The following LINGO2 variants were observed in gnomAD, a reference collection of about 807,000 sequenced individuals.
LINGO2 encodes leucine rich repeat and Ig domain containing 2.
A neutral mutation model predicts 30.6 loss-of-function variants in LINGO2; 14 were observed. That is an observed-to-expected ratio of 0.46 (90% confidence interval 0.30 to 0.72). The LOEUF (loss-of-function observed/expected upper bound fraction) is 0.72, where lower values mean the gene tolerates loss of function less well. Among genes scored for constraint, LINGO2 ranks in the 30% least tolerant of loss-of-function variants. LINGO2 has a pLI of 0.07. For synonymous variants in LINGO2, 317 were observed against 288.5 expected (o/e 1.10, Z -1.00); for missense variants, 729 against 751.7 (o/e 0.97, Z 0.35).
intron 1 of LINGO2, among the ~76,000 whole-genome samples, chr9:28,625,092 T>G (rs1165489591): frequency 6.6e-6 from 1 of 151,938 alleles, no homozygotes; most frequent in Non-Finnish European, 1.5e-5. Flanking sequence ...TCCTTTCAAG[T>G]GTATCTAGGA....
At chr9:29,168,888 C>T in the LINGO2 span, among the ~76,000 whole-genome samples, 1 of 152,140 alleles carries the variant, frequency 6.6e-6, no homozygotes, top group Admixed American at 6.5e-5. Flanking sequence ...GCATGTATTA[C>T]AATATGTCAT....
chr9:28,844,473 T>G, the LINGO2 span, among the ~76,000 whole-genome samples: 1 of 151,880 alleles, frequency 6.6e-6, no homozygotes, highest in African/African-American at 2.4e-5. Context: ...TTTTTAAACA[T>G]TGGATAAAAA....
intron 5 of LINGO2, among the ~76,000 whole-genome samples, chr9:27,998,795 ACAG>A (rs1465007552): frequency 6.6e-6 from 1 of 152,164 alleles, no homozygotes; most frequent in Non-Finnish European, 1.5e-5. Flanking sequence ...TCTCAAAAAA[ACAG>A]AACAAAACAA....
chr9:27,996,840 G>A (rs1426223165), intron 5 of LINGO2, among the ~76,000 whole-genome samples: 1 of 152,138 alleles, frequency 6.6e-6, no homozygotes, highest in Non-Finnish European at 1.5e-5. Flanking sequence ...CACATTGTAT[G>A]CTTGTAGCAA....
chr9:29,035,459 G>A, the LINGO2 span, among the ~76,000 whole-genome samples: 6 of 151,812 alleles, frequency 4.0e-5, no homozygotes, highest in East Asian at 1.2e-3. Context: ...AGACTTGGAC[G>A]GTTGAATCCA....
chr9:28,267,264 AT>A (rs78720683), intron 4 of LINGO2, among the ~76,000 whole-genome samples: 11 of 150,592 alleles, frequency 7.3e-5, no homozygotes, highest in East Asian at 2.0e-4. Context: ...CAATACCACC[AT>A]TTTTTTTTCT....
At chr9:28,270,270 C>A (rs1373026586) in intron 4 of LINGO2, among the ~76,000 whole-genome samples, 1 of 152,032 alleles carries the variant, frequency 6.6e-6, no homozygotes, top group African/African-American at 2.4e-5. Flanking sequence ...AATATGGGAG[C>A]TGAGCCTATC....
At chr9:29,151,911 C>T in the LINGO2 span, among the ~76,000 whole-genome samples, 2 of 152,056 alleles carry the variant, frequency 1.3e-5, no homozygotes, top group South Asian at 2.1e-4. Flanking sequence ...AAACACACAA[C>T]GTCCCAAGAT....
chr9:27,963,755 C>A (rs116797686), intron 5 of LINGO2, among the ~76,000 whole-genome samples: 7,991 of 143,634 alleles, frequency 0.056, 692 homozygotes, highest in African/African-American at 0.19. Flanking sequence ...AAAAAAAAAG[C>A]AAGCAAAGGT....
the LINGO2 span, among the ~76,000 whole-genome samples, chr9:28,729,878 CAA>C: frequency 3.3e-5 from 5 of 151,878 alleles, no homozygotes; most frequent in African/African-American, 1.2e-4. Context: ...TAAACTCTCA[CAA>C]AAGTATACTT....
intron 4 of LINGO2, among the ~76,000 whole-genome samples, chr9:28,290,333 C>T (rs748758412): frequency 6.6e-6 from 1 of 152,124 alleles, no homozygotes; most frequent in Non-Finnish European, 1.5e-5. Context: ...AGTGCCCTAC[C>T]CATACCAACT....
At chr9:28,479,922 T>G (rs1354391284) in intron 1 of LINGO2, among the ~76,000 whole-genome samples, 3 of 89,954 alleles carry the variant, frequency 3.3e-5, no homozygotes, top group African/African-American at 1.5e-4. Context: ...TATATATATA[T>G]ATATATATAT....
chr9:29,115,920 T>C, the LINGO2 span, among the ~76,000 whole-genome samples: 1 of 152,022 alleles, frequency 6.6e-6, no homozygotes, highest in South Asian at 2.1e-4. Flanking sequence ...TCTGGCCAAT[T>C]GACTTTTAAC....
intron 4 of LINGO2, among the ~76,000 whole-genome samples, chr9:28,223,880 C>T (rs1821052181): frequency 6.6e-6 from 1 of 152,000 alleles, no homozygotes; most frequent in Non-Finnish European, 1.5e-5. Context: ...TATTTAGCCC[C>T]CAAAATAAGA....
intron 1 of LINGO2, among the ~76,000 whole-genome samples, chr9:28,660,605 CAAAAG>C (rs1828548715): frequency 6.7e-6 from 1 of 149,588 alleles, no homozygotes; most frequent in African/African-American, 2.4e-5. Flanking sequence ...TAATAAAATT[CAAAAG>C]AAAAGTTATC....
At chr9:28,342,505 T>C (rs995512807) in intron 3 of LINGO2, among the ~76,000 whole-genome samples, 2 of 152,132 alleles carry the variant, frequency 1.3e-5, no homozygotes, top group African/African-American at 4.8e-5. Context: ...AAATCTCTTG[T>C]CAGGTATCCT....
At chr9:28,316,807 A>T (rs1234590528) in intron 3 of LINGO2, among the ~76,000 whole-genome samples, 2 of 152,176 alleles carry the variant, frequency 1.3e-5, no homozygotes, top group South Asian at 4.1e-4. Context: ...TTTCAGAAAG[A>T]CGTTTAATCT....
chr9:27,988,184 A>AT (rs1421068299), intron 5 of LINGO2, among the ~76,000 whole-genome samples: 3 of 151,684 alleles, frequency 2.0e-5, no homozygotes, highest in Non-Finnish European at 2.9e-5. Context: ...ACATGAACTC[A>AT]TTTTTTATGG....
At chr9:29,036,705 C>T in the LINGO2 span, among the ~76,000 whole-genome samples, 4 of 151,918 alleles carry the variant, frequency 2.6e-5, no homozygotes, top group Non-Finnish European at 4.4e-5. Context: ...AAAAAATATG[C>T]CTTTTTATTT....
Sources: gnomAD v4.1 joint callset for allele counts (sites outside exome capture counted in the v4.1 genomes callset) on GRCh38, gnomAD v4.1.1 for gene constraint, MANE v1.5 for transcripts, NCBI Gene and HGNC (gene_info 2026-07-23, HGNC 2026-07-21) for gene names.